CNTNAP2: variants seen among roughly 807,000 people sequenced by gnomAD.
The protein encoded by CNTNAP2 is contactin associated protein 2.
Under a neutral mutation model 155.2 loss-of-function variants are expected in CNTNAP2, and 98 were observed. The observed-to-expected ratio is 0.63, with a 90% CI of 0.54 to 0.75. The LOEUF (loss-of-function observed/expected upper bound fraction) is 0.75. Ranked by LOEUF, CNTNAP2 falls within the 30% of genes least tolerant of loss-of-function variation. CNTNAP2 has a pLI of 0.00. For synonymous variants in CNTNAP2, 651 were observed against 631.2 expected, an observed-to-expected ratio of 1.03 and a Z score of -0.47; for missense variants, 1,727 against 1,688.1, an observed-to-expected ratio of 1.02 and a Z score of -0.40.
At chr7:147,289,580 T>A (rs1000380993) in intron 8 of CNTNAP2, among the ~76,000 whole-genome samples, 2 of 152,164 alleles carry the variant, frequency 1.3e-5, no homozygotes, top group South Asian at 4.1e-4. Context: ...CTACTAAAGT[T>A]ACCTGGTCTG....
chr7:146,550,414 T>TGTTTTTG (rs1318386372), intron 1 of CNTNAP2, among the ~76,000 whole-genome samples: 10 of 124,768 alleles, frequency 8.0e-5, no homozygotes, highest in Non-Finnish European at 1.2e-4. Context: ...TTTTTTTTTT[T>TGTTTTTG]TTTTTTTTTT....
chr7:147,311,509 G>T (rs1795125178), intron 9 of CNTNAP2, among the ~76,000 whole-genome samples: 1 of 152,134 alleles, frequency 6.6e-6, no homozygotes, highest in Non-Finnish European at 1.5e-5. Flanking sequence ...AGTCCAGGCA[G>T]CGTGGCCTCA....
chr7:147,135,907 C>T (rs977649411), intron 8 of CNTNAP2, among the ~76,000 whole-genome samples: 5 of 151,124 alleles, frequency 3.3e-5, no homozygotes, highest in African/African-American at 1.2e-4. Flanking sequence ...GTTTTAGTTG[C>T]CTGGAAGTAT....
At chr7:146,790,217 A>G (rs1260202349) in intron 2 of CNTNAP2, among the ~76,000 whole-genome samples, 1 of 152,192 alleles carries the variant, frequency 6.6e-6, no homozygotes, top group East Asian at 1.9e-4. Flanking sequence ...TTCTCTATAG[A>G]TTATTTAAGA....
chr7:148,104,058 T>C (rs182485369), intron 15 of CNTNAP2, among the ~76,000 whole-genome samples: 7 of 152,326 alleles, frequency 4.6e-5, no homozygotes, highest in African/African-American at 1.7e-4. Flanking sequence ...ATTATTTTTC[T>C]AATTTACAAA....
At chr7:146,888,975 T>G (rs1258014172) in intron 3 of CNTNAP2, among the ~76,000 whole-genome samples, 1 of 152,054 alleles carries the variant, frequency 6.6e-6, no homozygotes, top group Non-Finnish European at 1.5e-5. Context: ...ATTTCCTAAG[T>G]AGATAGTTCT....
chr7:147,628,868 TAA>T (rs60644349), intron 12 of CNTNAP2, among the ~76,000 whole-genome samples: 3,637 of 117,150 alleles, frequency 0.031, 180 homozygotes, highest in African/African-American at 0.098. Flanking sequence ...CAACAGCAGT[TAA>T]AAAAAAAAAA....
chr7:146,340,352 A>G (rs1234485771), intron 1 of CNTNAP2, among the ~76,000 whole-genome samples: 3 of 146,826 alleles, frequency 2.0e-5, no homozygotes, highest in African/African-American at 5.0e-5. Flanking sequence ...AAAGTTTTCC[A>G]TATTTGTTTG....
chr7:147,465,244 C>G (rs905660637), intron 10 of CNTNAP2, among the ~76,000 whole-genome samples: 5 of 152,298 alleles, frequency 3.3e-5, no homozygotes, highest in Non-Finnish European at 5.9e-5. Context: ...TCAATAGAAG[C>G]TCAAACCTCA....
intron 1 of CNTNAP2, among the ~76,000 whole-genome samples, chr7:146,713,345 A>C (rs1187088609): frequency 2.0e-5 from 3 of 152,156 alleles, no homozygotes; most frequent in African/African-American, 7.2e-5. Context: ...CATTTGCACT[A>C]AATGGTCAAT....
chr7:147,564,865 AGT>A (rs2116795225), intron 12 of CNTNAP2, among the ~76,000 whole-genome samples: 1 of 152,294 alleles, frequency 6.6e-6, no homozygotes, highest in East Asian at 1.9e-4. Context: ...CATTCAAGAT[AGT>A]TACAAACATC....
At chr7:146,505,271 G>T (rs1797366429) in intron 1 of CNTNAP2, among the ~76,000 whole-genome samples, 1 of 152,182 alleles carries the variant, frequency 6.6e-6, no homozygotes, top group Non-Finnish European at 1.5e-5. Flanking sequence ...CTCATCGTAG[G>T]TGTGGGACCA....
At chr7:147,300,361 T>C in intron 9 of CNTNAP2, 71 bp downstream of exon 9, 1 of 1,561,970 alleles carries the variant, frequency 6.4e-7, no homozygotes, top group East Asian at 2.3e-5. Flanking sequence ...AGTTTGATTA[T>C]GAAGTATTTA....
intron 1 of CNTNAP2, among the ~76,000 whole-genome samples, chr7:146,700,697 T>TAGAGA (rs1446717435): frequency 1.3e-5 from 2 of 152,134 alleles, no homozygotes; most frequent in African/African-American, 2.4e-5. Context: ...AGTATGTTTC[T>TAGAGA]AGAGAAGAGA....
At chr7:147,083,610 A>C (rs1379280659) in intron 4 of CNTNAP2, among the ~76,000 whole-genome samples, 3 of 145,920 alleles carry the variant, frequency 2.1e-5, no homozygotes, top group Non-Finnish European at 3.0e-5. Flanking sequence ...CTATAATGCT[A>C]TATATAAAAA....
intron 13 of CNTNAP2, among the ~76,000 whole-genome samples, chr7:147,890,428 C>A (rs988357914): frequency 1.3e-5 from 2 of 152,142 alleles, no homozygotes; most frequent in African/African-American, 4.8e-5. Context: ...TGAGAAACAG[C>A]ATAGAAGTTC....
chr7:146,679,722 C>A (rs1335322666), intron 1 of CNTNAP2, among the ~76,000 whole-genome samples: 1 of 151,980 alleles, frequency 6.6e-6, no homozygotes, highest in Non-Finnish European at 1.5e-5. Flanking sequence ...ATTTATCTTT[C>A]CCTCTTTTCT....
At chr7:146,410,188 T>C (rs1003737076) in intron 1 of CNTNAP2, among the ~76,000 whole-genome samples, 1 of 152,198 alleles carries the variant, frequency 6.6e-6, no homozygotes, top group African/African-American at 2.4e-5. Context: ...AGAGCAAGCT[T>C]GGGCAAATGA....
At chr7:146,428,048 C>T (rs551609510) in intron 1 of CNTNAP2, among the ~76,000 whole-genome samples, 4 of 152,278 alleles carry the variant, frequency 2.6e-5, no homozygotes, top group Admixed American at 6.5e-5. Context: ...CAGCTCCATC[C>T]GTGTCCCTGC....
Sources: gnomAD v4.1 joint callset for allele counts (sites outside exome capture counted in the v4.1 genomes callset) on GRCh38, gnomAD v4.1.1 for gene constraint, MANE v1.5 for transcripts, NCBI Gene and HGNC (gene_info 2026-07-23, HGNC 2026-07-21) for gene names.